Variants in NR3C2 observed in about 807,000 individuals in gnomAD.
NR3C2 encodes the protein nuclear receptor subfamily 3 group C member 2, also known as mineralocorticoid receptor.
In NR3C2, 15 loss-of-function variants were observed where a neutral mutation model predicts 86.4. That is an observed-to-expected ratio of 0.17 (90% CI 0.12 to 0.27). The LOEUF (loss-of-function observed/expected upper bound fraction) is 0.27. Among genes scored for constraint, NR3C2 ranks in the 10% least tolerant of loss-of-function variants. NR3C2 has a pLI of 1.00. For missense variants in NR3C2, 960 were observed against 1,195.6 expected (o/e 0.80, Z 2.91); for synonymous variants, 458 against 450.5 (o/e 1.02, Z -0.21).
At chr4:148,213,660 A>C (rs1226810532) in intron 3 of NR3C2, among the ~76,000 whole-genome samples, 2 of 152,236 alleles carry the variant, frequency 1.3e-5, no homozygotes, top group Non-Finnish European at 2.9e-5. Flanking sequence ...TTCTGCCTAA[A>C]AACACTCTAA....
intron 3 of NR3C2, among the ~76,000 whole-genome samples, chr4:148,237,232 C>T (rs6826594): frequency 0.92 from 139,982 of 152,044 alleles, 65,538 homozygotes; most frequent in East Asian, 1. Flanking sequence ...GACAATTTAA[C>T]TTTTTAAGAG....
intron 3 of NR3C2, among the ~76,000 whole-genome samples, chr4:148,231,465 A>G (rs752707899): frequency 1.3e-5 from 2 of 152,148 alleles, no homozygotes; most frequent in Non-Finnish European, 2.9e-5. Flanking sequence ...CTATTACTGA[A>G]GTCTATAAAC....
intron 3 of NR3C2, among the ~76,000 whole-genome samples, chr4:148,256,379 G>A (rs1427605005): frequency 4.6e-5 from 7 of 152,112 alleles, no homozygotes; most frequent in South Asian, 2.1e-4. Context: ...ATCTCTCTAC[G>A]TGAACATCAC....
chr4:148,082,835 G>A (rs1730639570), intron 8 of NR3C2, among the ~76,000 whole-genome samples: 1 of 152,102 alleles, frequency 6.6e-6, no homozygotes, highest in South Asian at 2.1e-4. Context: ...AATTCTTGCT[G>A]CCAGCACAGC....
chr4:148,267,284 T>A (rs7375748), intron 2 of NR3C2, among the ~76,000 whole-genome samples: 8 of 131,292 alleles, frequency 6.1e-5, no homozygotes, highest in Admixed American at 8.6e-5. Context: ...TCTTTTTTTT[T>A]AATTTTTTTT....
rs182145912 is a variant in NR3C2, at chr4:148,083,707, T to G, written c.2800-2208A>C. On this transcript the variant is annotated intron_variant, in intron 8 of 8. Transcript: ENST00000358102. ...AATGAGTTTCACGAATTGACAGAAG[T>G]AGGCTTCAGAAGGTGGATAATAACA... Among the ~76,000 whole-genome samples, 9 of 152,216 alleles carry G rather than the reference T, an allele frequency of 5.9e-5. No homozygotes were observed. The East Asian group carries it at 1.7e-3, about 29-fold the overall frequency.
intron 2 of NR3C2, among the ~76,000 whole-genome samples, chr4:148,392,945 C>A (rs1747666290): frequency 6.6e-6 from 1 of 152,104 alleles, no homozygotes; most frequent in Non-Finnish European, 1.5e-5. Context: ...ATATATCTTT[C>A]AGTAGGTAGA....
chr4:148,136,234 T>C (rs1280724854), intron 6 of NR3C2, among the ~76,000 whole-genome samples: 4 of 151,824 alleles, frequency 2.6e-5, no homozygotes, highest in African/African-American at 7.3e-5. Context: ...TAAAAAATGA[T>C]ACTGTCCCAC....
upstream of NR3C2, chr4:148,444,580 C>G: frequency 1.0e-6 from 1 of 988,304 alleles, no homozygotes; most frequent in Non-Finnish European, 1.2e-6. Flanking sequence ...CGGCTAGACT[C>G]CCGCCGCCGC....
At chr4:148,281,481 T>C (rs1217846245) in intron 2 of NR3C2, among the ~76,000 whole-genome samples, 3 of 152,240 alleles carry the variant, frequency 2.0e-5, no homozygotes, top group African/African-American at 7.2e-5. Context: ...ATATTTACAT[T>C]TCTTCCTTCA....
Position 148,207,458 on chromosome 4 carries a change from G to C in NR3C2, c.1898-12596C>G, listed in dbSNP as rs1487510227. Among the ~76,000 whole-genome samples, 2 of 152,288 alleles carry C rather than the reference G, an allele frequency of 1.3e-5. 1 individual carries two copies. Reference sequence around the variant, plus strand: ...ACATATGTTTTAACCTTGTATATTTGATCATTTGGCTAAATTTGTTTAAAA... The same window carrying C: ...ACATATGTTTTAACCTTGTATATTTCATCATTTGGCTAAATTTGTTTAAAA... On this transcript the variant is annotated intron_variant, in intron 3 of 8. Transcript: ENST00000358102.
chr4:148,250,496 C>T (rs1303992701), intron 3 of NR3C2, among the ~76,000 whole-genome samples: 1 of 152,150 alleles, frequency 6.6e-6, no homozygotes, highest in African/African-American at 2.4e-5. Context: ...GGGCCCAACA[C>T]CTTCCCCAGG....
rs1326644140 is a variant in NR3C2, at chr4:148,350,951, T to C, written c.1757+84153A>G. Among the ~76,000 whole-genome samples the C allele has an allele frequency of 2.6e-5, 4 of 152,254 alleles. No homozygotes were observed. The South Asian group carries it at 6.2e-4, about 24-fold the overall frequency. ...GCTAAAATATGCTTTAGGTGTTCAA[T>C]AAAATATAATGTTGTTCAATAAAAT... On this transcript the variant is annotated intron_variant, in intron 2 of 8. Transcript: ENST00000358102.
intron 2 of NR3C2, among the ~76,000 whole-genome samples, chr4:148,395,569 A>G (rs1178885606): frequency 2.6e-5 from 4 of 152,202 alleles, no homozygotes; most frequent in African/African-American, 9.6e-5. Context: ...AGCAGATAAT[A>G]CCAAATGTGT....
At chr4:148,164,928 G>C (rs17024443) in intron 4 of NR3C2, among the ~76,000 whole-genome samples, 15,848 of 152,064 alleles carry the variant, frequency 0.1, 942 homozygotes, top group South Asian at 0.18. Context: ...GTTAAACGCT[G>C]GAACCTACAG....
upstream of NR3C2, chr4:148,443,933 G>A: frequency 3.2e-6 from 3 of 938,704 alleles, no homozygotes; most frequent in Non-Finnish European, 3.8e-6. Flanking sequence ...GGGCGACAGC[G>A]GCAGCGCCGC....
chr4:148,337,086 C>T (rs1744529783), intron 2 of NR3C2, among the ~76,000 whole-genome samples: 1 of 152,176 alleles, frequency 6.6e-6, no homozygotes, highest in African/African-American at 2.4e-5. Context: ...TGAGCCACCA[C>T]ACCCAGCCAC....
At chr4:148,270,626 G>A (rs573699503) in intron 2 of NR3C2, among the ~76,000 whole-genome samples, 1 of 152,106 alleles carries the variant, frequency 6.6e-6, no homozygotes, top group Non-Finnish European at 1.5e-5. Flanking sequence ...ATCAAAGAAT[G>A]TGTTCAAATA....
chr4:148,361,738 G>A (rs1745847974), intron 2 of NR3C2, among the ~76,000 whole-genome samples: 1 of 152,092 alleles, frequency 6.6e-6, no homozygotes, highest in African/African-American at 2.4e-5. Context: ...CTTACAAGGT[G>A]TACCTTACTT....
Sources: allele counts gnomAD v4.1 joint callset (sites outside exome capture counted in the v4.1 genomes callset), GRCh38; gene constraint gnomAD v4.1.1; transcripts MANE v1.5; gene names NCBI Gene and HGNC (gene_info 2026-07-23, HGNC 2026-07-21).